Variants in CYTH1 observed in about 807,000 individuals in gnomAD.
The protein encoded by CYTH1 is cytohesin-1.
Under a neutral mutation model 61.8 loss-of-function variants are expected in CYTH1, and 18 were observed. That is an observed-to-expected ratio of 0.29 (90% confidence interval 0.20 to 0.43). The LOEUF (loss-of-function observed/expected upper bound fraction) is 0.43, where lower values mean the gene tolerates loss of function less well. Among genes scored for constraint, CYTH1 ranks in the 20% least tolerant of loss-of-function variants. CYTH1 has a pLI of 1.00. For missense variants in CYTH1, 336 were observed against 510.5 expected, an observed-to-expected ratio of 0.66 and a Z score of 3.29; for synonymous variants, 174 against 184.3, an observed-to-expected ratio of 0.94 and a Z score of 0.45.
At chr17:78,756,081 T>TA (rs1044126725) in intron 1 of CYTH1, among the ~76,000 whole-genome samples, 60 of 146,074 alleles carry the variant, frequency 4.1e-4, no homozygotes, top group East Asian at 6.1e-4. Context: ...TTATTTTTAT[T>TA]TTTTTTTTTT....
intron 1 of CYTH1, among the ~76,000 whole-genome samples, chr17:78,713,968 CTATCTTCCAAGATATTATTTTTTAAA>C (rs2093159405): frequency 6.6e-6 from 1 of 152,190 alleles, no homozygotes; most frequent in African/African-American, 2.4e-5. Context: ...TTCTAGTCCT[CTATCTTCCAAGATATTATTTTTTAAA>C]TAGTAAAGGA....
At chr17:78,681,106 C>A in intron 11 of CYTH1, 64 bp from the exon 12 acceptor site, 1 of 1,542,634 alleles carries the variant, frequency 6.5e-7, no homozygotes, top group Admixed American at 1.8e-5. Flanking sequence ...TGTCAGATTC[C>A]TCGCCGGTGA....
intron 2 of CYTH1, among the ~76,000 whole-genome samples, chr17:78,708,629 G>T (rs527886839): frequency 1.0e-3 from 159 of 152,216 alleles, no homozygotes; most frequent in Non-Finnish European, 1.9e-3. Context: ...AGAAAATTCA[G>T]AGGACAAAGT....
intron 13 of CYTH1, chr17:78,676,601 G>A: frequency 3.6e-6 from 1 of 274,152 alleles, no homozygotes; most frequent in Non-Finnish European, 7.1e-6. Flanking sequence ...TAGCTGGCAT[G>A]GTAATGCAGT....
chr17:78,724,491 G>A (rs768401076), intron 1 of CYTH1, among the ~76,000 whole-genome samples: 1 of 152,208 alleles, frequency 6.6e-6, no homozygotes, highest in Non-Finnish European at 1.5e-5. Flanking sequence ...GCTTCCCTGT[G>A]CCTTGCAGGG....
At chr17:78,726,924 C>T (rs2093269985) in intron 1 of CYTH1, among the ~76,000 whole-genome samples, 1 of 152,228 alleles carries the variant, frequency 6.6e-6, no homozygotes, top group Non-Finnish European at 1.5e-5. Flanking sequence ...ACACCTTCAA[C>T]TACCATCCTT....
Position 78,756,077 on chromosome 17 carries a change from T to A in CYTH1, c.22+26125A>T, listed in dbSNP as rs531294971. ...ACACTATTTATTTATTTATTTATTT[T>A]TATTTTTTTTTTTTTTGAGACAGAG... On this transcript the variant is annotated intron_variant, in intron 1 of 13. Transcript: ENST00000446868. Among the ~76,000 whole-genome samples the A allele has an allele frequency of 6.3e-4, 71 of 112,034 alleles. No individual in the cohort carries two copies. The East Asian group carries it at 0.015, about 24-fold the overall frequency. The allele number at this position is 112,034 out of a possible 152,430, so 73.5% of individuals were successfully genotyped here.
intron 1 of CYTH1, among the ~76,000 whole-genome samples, chr17:78,762,499 T>G (rs1420137114): frequency 2.0e-5 from 3 of 151,998 alleles, no homozygotes; most frequent in Non-Finnish European, 4.4e-5. Context: ...GGCACTAAGG[T>G]AGATGTATAG....
chr17:78,727,653 C>T (rs184430428), intron 1 of CYTH1: 9 of 471,056 alleles, frequency 1.9e-5, no homozygotes, highest in Admixed American at 7.0e-5. Context: ...CCTGCCTCCA[C>T]CTACCAGCAG....
At chr17:78,763,236 G>GGACTGA (rs2093435656) in intron 1 of CYTH1, among the ~76,000 whole-genome samples, 1 of 151,896 alleles carries the variant, frequency 6.6e-6, no homozygotes, top group Admixed American at 6.6e-5. Context: ...CCAGCTACTT[G>GGACTGA]GGAGGCTGAG....
chr17:78,750,604 G>C (rs988542274), intron 1 of CYTH1, among the ~76,000 whole-genome samples: 1 of 152,040 alleles, frequency 6.6e-6, no homozygotes, highest in African/African-American at 2.4e-5. Context: ...GTCAGAGTTC[G>C]AGACCAGCCT....
At chr17:78,690,596 TGAGATGG>T (rs1192504624) in intron 11 of CYTH1, among the ~76,000 whole-genome samples, 1 of 150,588 alleles carries the variant, frequency 6.6e-6, no homozygotes, top group African/African-American at 2.5e-5. Flanking sequence ...CTCAGGAGGC[TGAGATGG>T]GAGAATCACT....
intron 1 of CYTH1, among the ~76,000 whole-genome samples, chr17:78,718,782 G>C (rs1180563235): frequency 3.9e-5 from 6 of 152,244 alleles, no homozygotes; most frequent in African/African-American, 1.4e-4. Flanking sequence ...TATTAGCACT[G>C]TTGTGAGGAA....
intron 3 of CYTH1, 44 bp from the exon 4 acceptor site, chr17:78,702,648 G>A (rs377321769): frequency 1.1e-5 from 17 of 1,580,520 alleles, no homozygotes; most frequent in Middle Eastern, 1.7e-4. Context: ...TCAGGCCATC[G>A]GAAAGGCTTG....
chr17:78,708,258 G>A lies in CYTH1; in HGVS notation c.109C>T (p.Leu37=). The change falls in exon 3 of 14, where the codon CTG becomes TTG. Residue 37 remains leucine, a synonymous_variant. Coordinates refer to ENST00000446868, the MANE Select transcript of CYTH1 (RefSeq NM_004762.6). ...KQELLADIQR[L]KDEIAEVANE... is the part of the protein sequence containing the mutation. ...GCTACTTCTGCTATCTCATCCTTCA[G>A]CCTCTATAAAACAGACAGTCCAGAG... 5 of 1,612,268 alleles carry A rather than the reference G, an allele frequency of 3.1e-6. No individual in the cohort carries two copies. Among genetic ancestry groups the A allele is most frequent in the Non-Finnish European group, 2.5e-6 (3 of 1,179,526 alleles).
chr17:78,714,846 A>G (rs1328858810), intron 1 of CYTH1, among the ~76,000 whole-genome samples: 1 of 152,116 alleles, frequency 6.6e-6, no homozygotes, highest in Non-Finnish European at 1.5e-5. Flanking sequence ...TAGAGCAAAC[A>G]GAGATAATTA....
At chr17:78,724,319 T>C (rs911951027) in intron 1 of CYTH1, among the ~76,000 whole-genome samples, 3 of 152,234 alleles carry the variant, frequency 2.0e-5, no homozygotes, top group South Asian at 2.1e-4. Context: ...ACAGGGTTAC[T>C]GCAGACCACA....
At chr17:78,680,145 A>AG in intron 13 of CYTH1, 45 bp downstream of exon 13, 1 of 1,606,752 alleles carries the variant, frequency 6.2e-7, no homozygotes, top group Non-Finnish European at 8.5e-7. Flanking sequence ...TGGTGAGGTG[A>AG]GGGCTGCACC....
At position 78,675,806 on chromosome 17, in the gene CYTH1, G is replaced by C. The variant is rs1426934421; in HGVS notation, c.*285C>G. ...CTGAGCTCTGCTACCAGAACACTGA[G>C]CAGAGAAACTGGCCAGGAGGCTGCC... is the stretch of plus-strand genomic sequence containing the variant. On this transcript the variant is annotated 3_prime_UTR_variant, in exon 14 of 14. Coordinates refer to ENST00000446868, the MANE Select transcript of CYTH1 (RefSeq NM_004762.6). 7.3e-7 allele frequency: 1 copy of C among 1,360,778 alleles called. No homozygotes were observed. The highest frequency in any genetic ancestry group is 1.5e-5 in the African/African-American group (1 of 68,240). The allele number at this position is 1,360,778 out of a possible 1,614,324, so 84.3% of individuals were successfully genotyped here.
Sources: gnomAD v4.1 joint callset for allele counts (sites outside exome capture counted in the v4.1 genomes callset) on GRCh38, gnomAD v4.1.1 for gene constraint, MANE v1.5 for transcripts, NCBI Gene and HGNC (gene_info 2026-07-23, HGNC 2026-07-21) for gene names.